The following GLDC variants were observed in gnomAD, a reference collection of about 807,000 sequenced individuals.
The protein encoded by GLDC is glycine decarboxylase.
A neutral mutation model predicts 121.3 loss-of-function variants in GLDC; 104 were observed. That is an observed-to-expected ratio of 0.86 (90% confidence interval 0.73 to 1.01). GLDC has a LOEUF of 1.01. Ranked by LOEUF, GLDC falls within the 50% of genes least tolerant of loss-of-function variation. The pLI is 0.00. For synonymous variants in GLDC, 546 were observed against 480.6 expected (o/e 1.14, Z -1.78); for missense variants, 1,429 against 1,306.6 (o/e 1.09, Z -1.44).
At chr9:6,640,316 C>T (rs990419799) in intron 2 of GLDC, among the ~76,000 whole-genome samples, 1 of 152,326 alleles carries the variant, frequency 6.6e-6, no homozygotes, top group Admixed American at 6.5e-5. Flanking sequence ...CAAAGGAAAG[C>T]CTTGTCACAG....
chr9:6,552,748 T>C (rs559596503), intron 20 of GLDC, among the ~76,000 whole-genome samples: 3 of 152,202 alleles, frequency 2.0e-5, no homozygotes, highest in South Asian at 4.2e-4. Context: ...GGCAGGGCAG[T>C]GTGAACAAGA....
intron 15 of GLDC, among the ~76,000 whole-genome samples, chr9:6,579,788 C>T (rs944196184): frequency 4.6e-5 from 7 of 152,216 alleles, no homozygotes; most frequent in African/African-American, 7.2e-5. Flanking sequence ...GTGCCTATAA[C>T]GCTGGCTGCC....
At chr9:6,641,629 G>A (rs1038512672) in intron 2 of GLDC, among the ~76,000 whole-genome samples, 1 of 152,158 alleles carries the variant, frequency 6.6e-6, no homozygotes, top group African/African-American at 2.4e-5. Context: ...TTTTAAAACA[G>A]AAGTATTAAT....
At chr9:6,612,291 A>G (rs1818875184) in intron 3 of GLDC, among the ~76,000 whole-genome samples, 1 of 151,538 alleles carries the variant, frequency 6.6e-6, no homozygotes, top group Non-Finnish European at 1.5e-5. Flanking sequence ...CCGCACACCA[A>G]CACCCCAATA....
intron 2 of GLDC, among the ~76,000 whole-genome samples, chr9:6,643,296 G>C (rs1028816599): frequency 3.3e-5 from 5 of 151,366 alleles, no homozygotes; most frequent in East Asian, 3.9e-4. Flanking sequence ...GGTTTTCAAC[G>C]ACCATCAGAT....
intron 15 of GLDC, among the ~76,000 whole-genome samples, chr9:6,566,735 A>G (rs1300807379): frequency 6.6e-6 from 1 of 152,264 alleles, no homozygotes; most frequent in Non-Finnish European, 1.5e-5. Flanking sequence ...TATGTCTGCG[A>G]AGCTGAAGGC....
intron 19 of GLDC, among the ~76,000 whole-genome samples, chr9:6,553,863 A>T (rs1817564512): frequency 6.6e-6 from 1 of 152,156 alleles, no homozygotes; most frequent in Non-Finnish European, 1.5e-5. Flanking sequence ...GGGGCTGATG[A>T]GAAGATGCCC....
intron 15 of GLDC, among the ~76,000 whole-genome samples, chr9:6,578,340 C>A (rs1053685039): frequency 1.3e-5 from 2 of 152,030 alleles, no homozygotes; most frequent in Non-Finnish European, 2.9e-5. Context: ...TGGTCTTGAA[C>A]TCCTGAGCTC....
intron 22 of GLDC, among the ~76,000 whole-genome samples, chr9:6,537,947 T>G (rs922159085): frequency 2.0e-5 from 3 of 152,230 alleles, no homozygotes; most frequent in African/African-American, 7.2e-5. Context: ...CAGTCATTAG[T>G]ACACTTCACT....
At chr9:6,585,318 G>A (rs1217008728) in intron 15 of GLDC, among the ~76,000 whole-genome samples, 7 of 152,130 alleles carry the variant, frequency 4.6e-5, no homozygotes, top group South Asian at 2.1e-4. Flanking sequence ...ATTATATTCC[G>A]TCACTAGAGG....
At chr9:6,590,386 T>G (rs1409093684) in intron 11 of GLDC, among the ~76,000 whole-genome samples, 2 of 152,176 alleles carry the variant, frequency 1.3e-5, no homozygotes, top group Non-Finnish European at 2.9e-5. Flanking sequence ...CCTCCAGATC[T>G]CAGGGTGAAA....
chr9:6,629,957 A>ATTTTTT (rs60203144), intron 2 of GLDC, among the ~76,000 whole-genome samples: 7 of 83,066 alleles, frequency 8.4e-5, no homozygotes, highest in East Asian at 4.0e-4. Flanking sequence ...ATATATATAT[A>ATTTTTT]TTTTTTTTTT....
chr9:6,629,907 T>A (rs938648563), intron 2 of GLDC, among the ~76,000 whole-genome samples: 9 of 123,480 alleles, frequency 7.3e-5, no homozygotes, highest in African/African-American at 3.1e-4. Context: ...ATAATAGATG[T>A]GGGAGGGAGG....
At chr9:6,543,896 G>T (rs550126983) in intron 21 of GLDC, among the ~76,000 whole-genome samples, 2 of 151,878 alleles carry the variant, frequency 1.3e-5, no homozygotes, top group East Asian at 1.9e-4. Flanking sequence ...GACAGGAGGG[G>T]GGGGGATGAA....
chr9:6,558,487 C>T, intron 17 of GLDC, 72 bp downstream of exon 17: 3 of 1,519,940 alleles, frequency 2.0e-6, no homozygotes, highest in Non-Finnish European at 2.7e-6. Context: ...TTTACATAAT[C>T]CATCAAGTCC....
At chr9:6,557,219 C>T (rs910316165) in intron 17 of GLDC, among the ~76,000 whole-genome samples, 1 of 152,074 alleles carries the variant, frequency 6.6e-6, no homozygotes, top group Non-Finnish European at 1.5e-5. Context: ...TGCTGATTAC[C>T]CTGATCTGAT....
intron 11 of GLDC, 141 bp downstream of exon 11, chr9:6,592,002 G>T: frequency 1.4e-6 from 1 of 697,054 alleles, no homozygotes; most frequent in East Asian, 2.7e-5. Flanking sequence ...TGACTAGCAA[G>T]GGATAGTCAG....
At chr9:6,547,964 T>G (rs1817432772) in intron 21 of GLDC, among the ~76,000 whole-genome samples, 1 of 152,086 alleles carries the variant, frequency 6.6e-6, no homozygotes, top group Non-Finnish European at 1.5e-5. Context: ...ACCCCGTCTC[T>G]ACAAAAAATA....
chr9:6,554,713 G>A lies in GLDC; in HGVS notation c.2271C>T (p.Cys757=), dbSNP rs770961258. 7 of 1,612,802 alleles carry A rather than the reference G, an allele frequency of 4.3e-6. No homozygotes were observed. The Admixed American group carries it at 6.7e-5, about 15-fold the overall frequency. Residue 757 remains cysteine (C), a synonymous_variant, in exon 19 of 25, where the codon TGC becomes TGT. Coordinates refer to ENST00000321612, the MANE Select transcript of GLDC (RefSeq NM_000170.3). Reference sequence around the variant, plus strand: ...CAGGACCACCTCCTCCGTGGGGAATGCAGAAGGTCTTGTGAAGATTTAGGT... The same window carrying A: ...CAGGACCACCTCCTCCGTGGGGAATACAGAAGGTCTTGTGAAGATTTAGGT... ...VSHLNLHKTF[C]IPHGGGGPGM... is the part of the protein sequence containing the mutation.
Sources: gnomAD v4.1 joint callset for allele counts (sites outside exome capture counted in the v4.1 genomes callset) on GRCh38, gnomAD v4.1.1 for gene constraint, MANE v1.5 for transcripts, NCBI Gene and HGNC (gene_info 2026-07-23, HGNC 2026-07-21) for gene names.